JCAD: variants seen among roughly 807,000 people sequenced by gnomAD.
The protein encoded by JCAD is junctional cadherin 5-associated protein.
Under a neutral mutation model 98.0 loss-of-function variants are expected in JCAD, and 40 were observed. That is an observed-to-expected ratio of 0.41 (90% CI 0.32 to 0.53). The LOEUF (loss-of-function observed/expected upper bound fraction) is 0.53. JCAD is among the 20% of genes least tolerant of loss of function. JCAD has a pLI of 0.31. For missense variants in JCAD, 1,705 were observed against 1,738.1 expected (o/e 0.98, Z 0.34); for synonymous variants, 691 against 682.3 (o/e 1.01, Z -0.20).
rs1012974587 is a variant in JCAD at position 30,029,388 on chromosome 10, G to T, written c.760C>A (p.His254Asn). 1 of 1,614,030 alleles carries T rather than the reference G, an allele frequency of 6.2e-7. No homozygotes were observed. The highest frequency in any genetic ancestry group is 2.2e-5 in the East Asian group (1 of 44,872). Residue 254 changes from histidine (H) to asparagine (N), a missense_variant, in exon 3 of 4, where the codon CAT (histidine) becomes AAT (asparagine). By Grantham distance (68) the His-to-Asn change is moderately conservative (BLOSUM62 1). Coordinates refer to ENST00000375377, the MANE Select transcript of JCAD (RefSeq NM_020848.4). Reference sequence around the variant, plus strand: ...GGATACGGTGGCATTTTAGGTGAATGTCTTTCATTTAATGGAATGGGAATT... The same window carrying T: ...GGATACGGTGGCATTTTAGGTGAATTTCTTTCATTTAATGGAATGGGAATT... ...TEIPIPLNER[H>N]SPKMPPYPPT...
chr10:30,063,578 T>A (rs553152472), upstream of JCAD, among the ~76,000 whole-genome samples: 2 of 152,302 alleles, frequency 1.3e-5, no homozygotes, highest in African/African-American at 4.8e-5. Flanking sequence ...ACACTACCAG[T>A]TCTCATTTTT....
intron 1 of JCAD, among the ~76,000 whole-genome samples, chr10:30,101,061 T>C (rs1285950877): frequency 6.6e-6 from 1 of 152,216 alleles, no homozygotes; most frequent in Non-Finnish European, 1.5e-5. Flanking sequence ...AGAGGAAGCC[T>C]TCAGGTAGCA....
At chr10:30,105,387 C>A (rs939207889) in intron 1 of JCAD, among the ~76,000 whole-genome samples, 2 of 147,584 alleles carry the variant, frequency 1.4e-5, no homozygotes, top group Non-Finnish European at 1.5e-5. Flanking sequence ...TGGAGTATTG[C>A]TCTCTTGCTC....
chr10:30,053,342 C>G (rs1314065369), intron 1 of JCAD, among the ~76,000 whole-genome samples: 1 of 152,118 alleles, frequency 6.6e-6, no homozygotes, highest in Non-Finnish European at 1.5e-5. Flanking sequence ...AGGCATATCA[C>G]TTGAGGTCAG....
At chr10:30,078,301 C>T (rs1838013538) in intron 1 of JCAD, among the ~76,000 whole-genome samples, 1 of 152,226 alleles carries the variant, frequency 6.6e-6, no homozygotes, top group African/African-American at 2.4e-5. Flanking sequence ...TTGTCACTGT[C>T]ATACCACACA....
rs1437184421 is a variant in JCAD at position 30,029,827 on chromosome 10, G to A, written c.321C>T (p.Pro107=). ...NQPPSAWSSH[P]PTGNDQAYRR... Reference sequence around the variant, plus strand: ...GGTAGGCTTGGTCGTTACCAGTCGGGGGATGAGAGGACCATGCTGAGGGGG... The same window carrying A: ...GGTAGGCTTGGTCGTTACCAGTCGGAGGATGAGAGGACCATGCTGAGGGGG... Residue 107 remains proline (P), a synonymous_variant, in exon 3 of 4, where the codon CCC becomes CCT. Coordinates refer to ENST00000375377, the MANE Select transcript of JCAD (RefSeq NM_020848.4). The A allele has an allele frequency of 6.2e-7, 1 of 1,614,048 alleles. No individual in the cohort carries two copies. The highest frequency in any genetic ancestry group is 8.5e-7 in the Non-Finnish European group (1 of 1,180,042).
rs1836839789 is a variant in JCAD, at chr10:30,027,267, C to T, written c.2881G>A (p.Val961Ile). Residue 961 changes from valine to isoleucine, a missense_variant, in exon 3 of 4, where the codon GTT becomes ATT. This residue lies in a region of JCAD where 1,278 missense variants were observed against 1,243.1 expected (regional missense o/e 1.03). Transcript: ENST00000375377. ...STSAEKRHLE[V>I]SNGMDELAGS... ...GCCAGCTCGTCCATTCCGTTGCTAA[C>T]CTCCAGGTGTCTCTTCTCTGCACTC... The T allele has an allele frequency of 1.2e-6, 2 of 1,614,202 alleles. No individual in the cohort carries two copies. The highest frequency in any genetic ancestry group is 1.3e-5 in the African/African-American group (1 of 75,064).
Position 30,047,885 on chromosome 10 carries a change from G to A in JCAD, c.-59-14C>T, listed in dbSNP as rs1312023594. On this transcript the variant is annotated splice_polypyrimidine_tract_variant and intron_variant, in intron 1 of 3. Coordinates refer to ENST00000375377, the MANE Select transcript of JCAD (RefSeq NM_020848.4). ...CAGGACCCAGCACTGCAGGACAACA[G>A]AGAGCTCTATTTGTGACTAGGTCTC... 6.7e-7 allele frequency: 1 copy of A among 1,493,244 alleles called. No individual in the cohort carries two copies. Among genetic ancestry groups the A allele is most frequent in the African/African-American group, 1.4e-5 (1 of 71,510 alleles). 92.5% of individuals were successfully genotyped at this position (1,493,244 alleles called of 1,614,324 possible).
In JCAD at chr10:30,015,059, A is replaced by C. The variant is rs1024437990; in HGVS notation, c.*2824T>G. On this transcript the variant is annotated 3_prime_UTR_variant, in exon 4 of 4. Coordinates refer to ENST00000375377, the MANE Select transcript of JCAD (RefSeq NM_020848.4). ...ATAGATATTTGGTTTTCAGTCATTC[A>C]GAAATTTTCTTCAAAGAAAGGCAAT... is the stretch of plus-strand genomic sequence containing the variant. The C allele has an allele frequency of 6.6e-6, 1 of 152,246 alleles. No homozygotes were observed. Among genetic ancestry groups the C allele is most frequent in the Non-Finnish European group, 1.5e-5 (1 of 68,052 alleles). The allele number at this position is 152,246 out of a possible 1,614,324, so 9.4% of individuals were successfully genotyped here. A position where few individuals can be genotyped will look rare whatever the true frequency, so the allele number is the denominator to read the frequency against.
chr10:30,082,440 C>T (rs994150868), intron 1 of JCAD, among the ~76,000 whole-genome samples: 5 of 152,050 alleles, frequency 3.3e-5, no homozygotes, highest in Admixed American at 1.3e-4. Context: ...TGATATGGGC[C>T]GGGCGCAGTT....
intron 1 of JCAD, among the ~76,000 whole-genome samples, chr10:30,100,252 A>G (rs1480548911): frequency 6.6e-6 from 1 of 152,144 alleles, no homozygotes; most frequent in Non-Finnish European, 1.5e-5. Context: ...TAACATAGAG[A>G]AGGGTTGATA....
At chr10:30,065,078 G>A (rs1837761195) in intron 2 of JCAD, among the ~76,000 whole-genome samples, 2 of 152,194 alleles carry the variant, frequency 1.3e-5, no homozygotes, top group African/African-American at 2.4e-5. Context: ...TGAGGATAGA[G>A]AGTATATTGG....
At chr10:30,029,990 C>T (rs1243014216) in intron 2 of JCAD, 124 bp from the exon 3 acceptor site, 2 of 1,086,512 alleles carry the variant, frequency 1.8e-6, no homozygotes, top group Non-Finnish European at 1.3e-6. Context: ...AGCCACAGTA[C>T]TTGCCAGCTT....
chr10:30,056,094 G>A (rs1837565832), intron 1 of JCAD, among the ~76,000 whole-genome samples: 1 of 152,036 alleles, frequency 6.6e-6, no homozygotes, highest in Non-Finnish European at 1.5e-5. Context: ...GACTCAAACT[G>A]GATAAGATTT....
At chr10:30,083,957 GGCTGCAGTGAAGTATGATCTTGGT>G (rs1432382851) in intron 1 of JCAD, among the ~76,000 whole-genome samples, 2 of 152,082 alleles carry the variant, frequency 1.3e-5, no homozygotes, top group East Asian at 3.9e-4. Context: ...AGGAATTCGA[GGCTGCAGTGAAGTATGATCTTGGT>G]GCTGCACTCC....
chr10:30,062,008 G>T (rs1837708916), upstream of JCAD, among the ~76,000 whole-genome samples: 1 of 152,140 alleles, frequency 6.6e-6, no homozygotes, highest in African/African-American at 2.4e-5. Context: ...ATGTCATATT[G>T]TTGGGTTTCT....
chr10:30,054,071 C>A (rs1235675416), intron 1 of JCAD, among the ~76,000 whole-genome samples: 1 of 152,148 alleles, frequency 6.6e-6, no homozygotes, highest in African/African-American at 2.4e-5. Flanking sequence ...AAAAAAAATT[C>A]TGGTGCATCC....
rs1168131225 is a variant in JCAD, at chr10:30,047,747, T to C, written c.66A>G (p.Ser22=). 9.9e-6 allele frequency: 16 copies of C among 1,614,102 alleles called. No homozygotes were observed. Among genetic ancestry groups the C allele is most frequent in the Non-Finnish European group, 1.4e-5 (16 of 1,180,044 alleles). The change falls in exon 2 of 4, where the codon TCA becomes TCG. Residue 22 remains serine (S), a synonymous_variant. Transcript: ENST00000375377. ...GGCGCCCCTTGGGGTTATCCTCGCG[T>C]GATGCTGGGGGGTCTCTTGACAGCT... is the stretch of plus-strand genomic sequence containing the variant. ...GYKLSRDPPA[S]REDNPKGRQA...
At chr10:30,025,437 G>A (rs1326105313) in intron 3 of JCAD, among the ~76,000 whole-genome samples, 2 of 151,604 alleles carry the variant, frequency 1.3e-5, no homozygotes, top group South Asian at 2.1e-4. Context: ...AGAATCGCTT[G>A]CACCCAGGAG....
Sources: gnomAD v4.1 joint callset for allele counts (sites outside exome capture counted in the v4.1 genomes callset) on GRCh38, gnomAD v4.1.1 for gene constraint, gnomAD v4.1.1 regional missense constraint, MANE v1.5 for transcripts, NCBI Gene and HGNC (gene_info 2026-07-23, HGNC 2026-07-21) for gene names.